AFF3: variants seen among roughly 807,000 people sequenced by gnomAD.
The protein encoded by AFF3 is ALF transcription elongation factor 3, also known as AF4/FMR2 family member 3.
AFF3 carries 32 observed loss-of-function variants against 129.7 expected under a neutral mutation model. The ratio of observed to expected loss-of-function variants is 0.25; its 90% CI spans 0.19 to 0.33. AFF3 has a LOEUF of 0.33. AFF3 is among the 10% of genes least tolerant of loss of function. The pLI is 1.00. For missense variants in AFF3, 1,373 were observed against 1,592.0 expected, an observed-to-expected ratio of 0.86 and a Z score of 2.34; for synonymous variants, 644 against 635.4, an observed-to-expected ratio of 1.01 and a Z score of -0.20.
chr2:99,946,642 G>C (rs1427775203), intron 7 of AFF3, among the ~76,000 whole-genome samples: 1 of 151,966 alleles, frequency 6.6e-6, no homozygotes, highest in East Asian at 1.9e-4. Flanking sequence ...CAAAATATAG[G>C]AAAGAAAATT....
chr2:100,133,728 C>T (rs889861388), intron 1 of AFF3, among the ~76,000 whole-genome samples: 4 of 152,082 alleles, frequency 2.6e-5, no homozygotes, highest in Non-Finnish European at 5.9e-5. Context: ...GTCAGGAGAT[C>T]GAGACCATCC....
Position 100,007,442 on chromosome 2 carries a change from G to A in AFF3, c.193C>T (p.Leu65Phe), listed in dbSNP as rs1287774558. Residue 65 changes from leucine (L) to phenylalanine (F), a missense_variant, in exon 6 of 25, where the codon CTC becomes TTC. By Grantham distance (22) the Leu-to-Phe change is conservative. Around this residue, in one of 9 missense-constraint regions of AFF3, gnomAD observed 255 missense variants for 256.0 expected, o/e 1.00. Coordinates refer to ENST00000672756, the MANE Select transcript of AFF3 (RefSeq NM_001386135.1). ...AAAGTGTTCTGGATCCGGTTGGAGAGTTCATCCCCCTTGTTAGTCTGGAGA... is the reference window on the plus strand; with the variant it reads ...AAAGTGTTCTGGATCCGGTTGGAGAATTCATCCCCCTTGTTAGTCTGGAGA... ...EPYKTNKGDE[L>F]SNRIQNTLGN... is the part of the protein sequence containing the mutation. 7 of 1,613,306 alleles carry A rather than the reference G, an allele frequency of 4.3e-6. No homozygotes were observed. Among genetic ancestry groups the A allele is most frequent in the Non-Finnish European group, 5.9e-6 (7 of 1,179,528 alleles).
intron 4 of AFF3, among the ~76,000 whole-genome samples, chr2:100,060,559 TTAGA>T (rs1441816355): frequency 6.6e-6 from 1 of 152,162 alleles, no homozygotes; most frequent in African/African-American, 2.4e-5. Flanking sequence ...CTCTGAGCTA[TTAGA>T]TAAATGATTT....
At chr2:100,034,780 T>A (rs2104989298) in intron 4 of AFF3, among the ~76,000 whole-genome samples, 1 of 152,256 alleles carries the variant, frequency 6.6e-6, no homozygotes, top group African/African-American at 2.4e-5. Flanking sequence ...ATACACAAGA[T>A]CTAATGATCA....
intron 7 of AFF3, among the ~76,000 whole-genome samples, chr2:99,979,755 T>C (rs956086028): frequency 6.6e-6 from 1 of 152,206 alleles, no homozygotes; most frequent in Non-Finnish European, 1.5e-5. Flanking sequence ...AGCACTGGGA[T>C]TATAGGCATG....
intron 4 of AFF3, among the ~76,000 whole-genome samples, chr2:100,061,854 TGGAG>T (rs1031657797): frequency 1.6e-4 from 12 of 75,716 alleles, no homozygotes; most frequent in African/African-American, 3.8e-4. Flanking sequence ...GGTAGCACAG[TGGAG>T]GGGGGGGGGG....
chr2:100,041,179 T>C (rs548286331), intron 4 of AFF3, among the ~76,000 whole-genome samples: 1 of 152,334 alleles, frequency 6.6e-6, no homozygotes, highest in African/African-American at 2.4e-5. Context: ...CGGAAGCTAC[T>C]AAATGGGCCT....
chr2:99,719,371 G>T (rs979230166), intron 11 of AFF3, among the ~76,000 whole-genome samples: 1 of 152,080 alleles, frequency 6.6e-6, no homozygotes, highest in Non-Finnish European at 1.5e-5. Flanking sequence ...AATAATTTTT[G>T]CATCAGTGTT....
chr2:99,634,395 C>T (rs930368129), intron 13 of AFF3, among the ~76,000 whole-genome samples: 6 of 152,220 alleles, frequency 3.9e-5, no homozygotes, highest in East Asian at 1.9e-4. Flanking sequence ...CAGGAAATCA[C>T]TGGTGAGCCC....
chr2:99,783,883 T>C (rs1480704079), intron 8 of AFF3, among the ~76,000 whole-genome samples: 1 of 152,246 alleles, frequency 6.6e-6, no homozygotes, highest in East Asian at 1.9e-4. Flanking sequence ...GAGCGGTAAA[T>C]CAACAAACCC....
At chr2:99,783,198 A>G (rs890706106) in intron 8 of AFF3, among the ~76,000 whole-genome samples, 2 of 152,226 alleles carry the variant, frequency 1.3e-5, no homozygotes, top group African/African-American at 4.8e-5. Flanking sequence ...GCTCTATCCC[A>G]AAGTTTGACA....
chr2:99,909,460 T>TC (rs1694968539), intron 7 of AFF3, among the ~76,000 whole-genome samples: 1 of 121,972 alleles, frequency 8.2e-6, no homozygotes, highest in African/African-American at 3.1e-5. Flanking sequence ...GACGAGTTAC[T>TC]GGGGGGAGAG....
At chr2:99,591,269 C>T (rs1221894333) in intron 15 of AFF3, among the ~76,000 whole-genome samples, 3 of 152,038 alleles carry the variant, frequency 2.0e-5, no homozygotes, top group African/African-American at 7.2e-5. Flanking sequence ...TCACTGCAAC[C>T]TCCGCCTCCC....
chr2:100,038,254 C>T (rs1011897917), intron 4 of AFF3, among the ~76,000 whole-genome samples: 1 of 152,036 alleles, frequency 6.6e-6, no homozygotes, highest in African/African-American at 2.4e-5. Flanking sequence ...GCGCTAAAGT[C>T]GCTGTCTGGT....
chr2:100,066,917 T>C (rs1687768798), intron 4 of AFF3, among the ~76,000 whole-genome samples: 1 of 152,198 alleles, frequency 6.6e-6, no homozygotes, highest in Non-Finnish European at 1.5e-5. Context: ...TGCGCAATAC[T>C]GTACTAACAT....
At chr2:99,910,796 G>A (rs62147650) in intron 7 of AFF3, among the ~76,000 whole-genome samples, 1 of 152,208 alleles carries the variant, frequency 6.6e-6, no homozygotes, top group Non-Finnish European at 1.5e-5. Context: ...TCTAAAGAAG[G>A]ACATAAGAAT....
intron 8 of AFF3, among the ~76,000 whole-genome samples, chr2:99,827,983 G>C (rs1217804239): frequency 2.0e-5 from 3 of 152,134 alleles, no homozygotes; most frequent in Non-Finnish European, 4.4e-5. Context: ...CAGTGACAAG[G>C]AGGTGCTGGT....
chr2:100,067,459 TCA>T (rs1687825003), intron 4 of AFF3, among the ~76,000 whole-genome samples: 1 of 152,178 alleles, frequency 6.6e-6, no homozygotes, highest in Admixed American at 6.5e-5. Context: ...TTCTGAGTGA[TCA>T]GTCTGTTCCC....
intron 7 of AFF3, among the ~76,000 whole-genome samples, chr2:99,928,636 G>A (rs539459549): frequency 1.4e-4 from 21 of 152,148 alleles, no homozygotes; most frequent in Non-Finnish European, 2.5e-4. Flanking sequence ...TCTTTTTATC[G>A]TATCACTTCA....
Sources: gnomAD v4.1 joint callset for allele counts (sites outside exome capture counted in the v4.1 genomes callset) on GRCh38, gnomAD v4.1.1 for gene constraint, gnomAD v4.1.1 regional missense constraint, MANE v1.5 for transcripts, NCBI Gene and HGNC (gene_info 2026-07-23, HGNC 2026-07-21) for gene names.